Variants in SRBD1 observed in about 807,000 individuals in gnomAD.
SRBD1 encodes S1 RNA-binding domain-containing protein 1.
A neutral mutation model predicts 115.3 loss-of-function variants in SRBD1; 88 were observed. The observed-to-expected ratio is 0.76, with a 90% CI of 0.64 to 0.91. The LOEUF is 0.91. SRBD1 is among the 40% of genes least tolerant of loss of function. The probability of loss-of-function intolerance (pLI) is 0.00; values close to 1 mark genes in which losing one functional copy is unlikely to be tolerated. For synonymous variants in SRBD1, 509 were observed against 407.7 expected, an observed-to-expected ratio of 1.25 and a Z score of -2.99; for missense variants, 1,385 against 1,177.4, an observed-to-expected ratio of 1.18 and a Z score of -2.58.
chr2:45,476,268 T>C (rs1459336627), intron 16 of SRBD1, among the ~76,000 whole-genome samples: 3 of 152,198 alleles, frequency 2.0e-5, no homozygotes, highest in Admixed American at 1.3e-4. Context: ...ACATGAATTC[T>C]AAGGTGTCTT....
chr2:45,569,633 G>A (rs550097306), intron 9 of SRBD1: 69 of 152,068 alleles, frequency 4.5e-4, no homozygotes, highest in African/African-American at 1.4e-3. Context: ...GAGAAATTCC[G>A]CGTTTGAAAA....
intron 4 of SRBD1, among the ~76,000 whole-genome samples, chr2:45,589,213 T>C (rs1673639134): frequency 6.6e-6 from 1 of 152,180 alleles, no homozygotes; most frequent in Admixed American, 6.5e-5. Flanking sequence ...CAATGACTCT[T>C]AGCTACCTAC....
intron 14 of SRBD1, among the ~76,000 whole-genome samples, chr2:45,535,970 C>A (rs557953375): frequency 2.6e-5 from 4 of 152,188 alleles, no homozygotes; most frequent in African/African-American, 9.6e-5. Flanking sequence ...CTCTTACACA[C>A]ATTCTTGGTT....
At chr2:45,529,658 C>T (rs1671552188) in intron 14 of SRBD1, among the ~76,000 whole-genome samples, 1 of 151,910 alleles carries the variant, frequency 6.6e-6, no homozygotes, top group Non-Finnish European at 1.5e-5. Flanking sequence ...CAACCAGATA[C>T]AGAGTCTCCC....
intron 9 of SRBD1, among the ~76,000 whole-genome samples, chr2:45,566,659 T>C (rs1030885416): frequency 6.6e-6 from 1 of 152,196 alleles, no homozygotes; most frequent in African/African-American, 2.4e-5. Flanking sequence ...TTGCATTAAA[T>C]GCAATATGAA....
chr2:45,566,250 C>G (rs923306450), intron 9 of SRBD1, among the ~76,000 whole-genome samples: 2 of 152,162 alleles, frequency 1.3e-5, no homozygotes, highest in Non-Finnish European at 2.9e-5. Context: ...CACACAAAAA[C>G]TTAGACACGA....
chr2:45,423,028 C>T (rs1460317854), intron 16 of SRBD1, among the ~76,000 whole-genome samples: 4 of 152,038 alleles, frequency 2.6e-5, no homozygotes, highest in Non-Finnish European at 5.9e-5. Context: ...TTGACTTGAG[C>T]CACATTTTAT....
At position 45,475,914 on chromosome 2, in the gene SRBD1, G is replaced by C. The variant is rs571470100; in HGVS notation, c.2049+1079C>G. 2.6e-5 allele frequency among the ~76,000 whole-genome samples: 4 copies of C among 152,272 alleles called. No individual in the cohort carries two copies. The East Asian group carries it at 7.7e-4, about 29-fold the overall frequency. On this transcript the variant is annotated intron_variant, in intron 16 of 20. Transcript: ENST00000263736. The stretch of plus-strand genomic sequence containing the variant: ...GAGTTTTGTCATGTTGGCCAGGCTG[G>C]TCTCAAACTCTTGACCTCAAGTGAT...
chr2:45,453,036 C>G (rs1231445787), intron 16 of SRBD1, among the ~76,000 whole-genome samples: 1 of 151,860 alleles, frequency 6.6e-6, no homozygotes, highest in Non-Finnish European at 1.5e-5. Flanking sequence ...GCACATTATT[C>G]TTTCCATTAG....
intron 14 of SRBD1, among the ~76,000 whole-genome samples, chr2:45,509,998 A>G (rs538587882): frequency 2.0e-5 from 3 of 152,242 alleles, no homozygotes; most frequent in African/African-American, 7.2e-5. Context: ...GCCTCCCAAA[A>G]TGTTGGGATT....
intron 16 of SRBD1, among the ~76,000 whole-genome samples, chr2:45,466,604 G>A (rs917524074): frequency 2.0e-5 from 3 of 152,112 alleles, no homozygotes; most frequent in Admixed American, 6.5e-5. Flanking sequence ...TATTTTAAAT[G>A]AGTACGTTCA....
intron 14 of SRBD1, among the ~76,000 whole-genome samples, chr2:45,499,320 T>A (rs1175368329): frequency 2.6e-5 from 4 of 152,230 alleles, no homozygotes; most frequent in Admixed American, 2.0e-4. Context: ...TGTACAGGTC[T>A]TTTGACTATT....
At chr2:45,489,614 A>C (rs922244649) in intron 14 of SRBD1, among the ~76,000 whole-genome samples, 1 of 152,176 alleles carries the variant, frequency 6.6e-6, no homozygotes, top group Non-Finnish European at 1.5e-5. Context: ...CATCACCATC[A>C]TCATGATACA....
At chr2:45,433,610 C>T (rs62127106) in intron 16 of SRBD1, among the ~76,000 whole-genome samples, 1,727 of 152,210 alleles carry the variant, frequency 0.011, 14 homozygotes, top group Middle Eastern at 0.027. Flanking sequence ...GGCTGGGAAA[C>T]ATTTGAGAAA....
At chr2:45,535,227 C>A (rs1671728847) in intron 14 of SRBD1, among the ~76,000 whole-genome samples, 1 of 152,008 alleles carries the variant, frequency 6.6e-6, no homozygotes, top group Non-Finnish European at 1.5e-5. Context: ...TTGGGAGCCA[C>A]ATAACCAAAT....
At chr2:45,512,018 C>T (rs1302926408) in intron 14 of SRBD1, among the ~76,000 whole-genome samples, 1 of 152,306 alleles carries the variant, frequency 6.6e-6, no homozygotes, top group East Asian at 1.9e-4. Context: ...ACGTGATTTG[C>T]TTTGCTTTAT....
chr2:45,569,602 T>C (rs977104848), intron 9 of SRBD1: 8 of 152,146 alleles, frequency 5.3e-5, no homozygotes, highest in African/African-American at 7.2e-5. Context: ...GGAAGAAAAA[T>C]AAATTTTAAA....
intron 14 of SRBD1, among the ~76,000 whole-genome samples, chr2:45,497,625 G>T (rs1034670289): frequency 1.1e-4 from 16 of 152,140 alleles, no homozygotes; most frequent in African/African-American, 3.6e-4. Context: ...TTTAAGGTTT[G>T]CTGAGGTATG....
At chr2:45,440,323 T>A (rs936837631) in intron 16 of SRBD1, among the ~76,000 whole-genome samples, 30 of 152,200 alleles carry the variant, frequency 2.0e-4, no homozygotes, top group Admixed American at 3.3e-4. Context: ...CCAGTAGGTG[T>A]TCTTATGTCC....
Sources: gnomAD v4.1 joint callset for allele counts (sites outside exome capture counted in the v4.1 genomes callset) on GRCh38, gnomAD v4.1.1 for gene constraint, MANE v1.5 for transcripts, NCBI Gene and HGNC (gene_info 2026-07-23, HGNC 2026-07-21) for gene names.